Variants in DSCAM observed in about 807,000 individuals in gnomAD.
DSCAM encodes cell adhesion molecule DSCAM.
In DSCAM, 47 loss-of-function variants were observed where a neutral mutation model predicts 217.7. That is an observed-to-expected ratio of 0.22 (90% CI 0.17 to 0.28). The LOEUF (loss-of-function observed/expected upper bound fraction) is 0.28. DSCAM is among the 10% of genes least tolerant of loss of function. DSCAM has a pLI of 1.00. For missense variants in DSCAM, 2,080 were observed against 2,618.3 expected (o/e 0.79, Z 4.49); for synonymous variants, 1,056 against 1,015.3 (o/e 1.04, Z -0.76).
chr21:40,377,359 G>A (rs1377934475), intron 3 of DSCAM, among the ~76,000 whole-genome samples: 1 of 152,108 alleles, frequency 6.6e-6, no homozygotes, highest in East Asian at 1.9e-4. Flanking sequence ...TGGCACAAGT[G>A]TGAGACGGCA....
intron 3 of DSCAM, among the ~76,000 whole-genome samples, chr21:40,517,257 A>G (rs558005584): frequency 1.6e-4 from 24 of 149,358 alleles, no homozygotes; most frequent in Non-Finnish European, 2.8e-4. Context: ...GTGTATATAT[A>G]TACCTTATAT....
At chr21:40,697,016 A>C (rs2090603025) in intron 2 of DSCAM, among the ~76,000 whole-genome samples, 1 of 152,108 alleles carries the variant, frequency 6.6e-6, no homozygotes, top group Non-Finnish European at 1.5e-5. Flanking sequence ...CCTTCTATTT[A>C]ACTGTATTTT....
intron 3 of DSCAM, among the ~76,000 whole-genome samples, chr21:40,392,593 A>G (rs1425911960): frequency 6.6e-6 from 1 of 152,144 alleles, no homozygotes; most frequent in Non-Finnish European, 1.5e-5. Context: ...GTAACACTGG[A>G]ATTGGAATTC....
At chr21:40,547,643 A>G (rs2076594280) in intron 3 of DSCAM, among the ~76,000 whole-genome samples, 1 of 152,088 alleles carries the variant, frequency 6.6e-6, no homozygotes, top group Non-Finnish European at 1.5e-5. Context: ...CACAAGTACA[A>G]AGACACCGGT....
chr21:40,422,669 T>C (rs2075436240), intron 3 of DSCAM, among the ~76,000 whole-genome samples: 1 of 152,252 alleles, frequency 6.6e-6, no homozygotes, highest in African/African-American at 2.4e-5. Context: ...AGTTGACATG[T>C]AAAGTCTATT....
intron 3 of DSCAM, among the ~76,000 whole-genome samples, chr21:40,432,833 G>T (rs914112391): frequency 6.6e-6 from 1 of 152,150 alleles, no homozygotes; most frequent in Non-Finnish European, 1.5e-5. Flanking sequence ...GGCCCAGAGG[G>T]TGAAGTCATG....
intron 2 of DSCAM, among the ~76,000 whole-genome samples, chr21:40,695,846 G>A (rs1251949916): frequency 6.6e-6 from 1 of 152,030 alleles, no homozygotes; most frequent in East Asian, 1.9e-4. Context: ...TGCAAATCAG[G>A]GTTTTATTAA....
Position 40,692,907 on chromosome 21 carries a change from T to C in DSCAM, c.411A>G (p.Arg137=), listed in dbSNP as rs375720021. Residue 137 remains arginine (R), a synonymous_variant, in exon 3 of 33, where the codon AGA becomes AGG. Coordinates refer to ENST00000400454, the MANE Select transcript of DSCAM (RefSeq NM_001389.5). The part of the protein sequence containing the change: ...TVRVEDQKTM[R]GNVAVFKCII... ...TGCACTTGAAGACCGCAACATTGCC[T>C]CTCATGGTTTTCTGGTCCTCCACAC... 2.1e-4 allele frequency: 339 copies of C among 1,613,824 alleles called. No homozygotes were observed. Among genetic ancestry groups the C allele is most frequent in the Admixed American group, 5.2e-4 (31 of 59,996 alleles).
chr21:40,614,467 G>C (rs1170278867), intron 3 of DSCAM, among the ~76,000 whole-genome samples: 1 of 152,052 alleles, frequency 6.6e-6, no homozygotes, highest in Non-Finnish European at 1.5e-5. Flanking sequence ...CATTAAGATT[G>C]GCAAGTTCAT....
chr21:40,133,897 G>A lies in DSCAM; in HGVS notation c.3519C>T (p.Asp1173=), dbSNP rs201831874. The A allele has an allele frequency of 3.1e-5, 50 of 1,613,274 alleles. No individual in the cohort carries two copies. The East Asian group carries it at 6.9e-4, about 22-fold the overall frequency. The change falls in exon 19 of 33, where the codon GAC becomes GAT. Residue 1173 remains aspartate, a synonymous_variant. Transcript: ENST00000400454. ...IQVLAFTRAG[D]GVRSEQIFTR... Reference sequence around the variant, plus strand: ...TGAAGATCTGCTCACTCCTGACCCCGTCTCCTGCGCGGGTGAAGGCCAGCA... The same window carrying A: ...TGAAGATCTGCTCACTCCTGACCCCATCTCCTGCGCGGGTGAAGGCCAGCA...
At chr21:40,350,717 G>C (rs1474732704) in intron 5 of DSCAM, among the ~76,000 whole-genome samples, 1 of 151,980 alleles carries the variant, frequency 6.6e-6, no homozygotes, top group Non-Finnish European at 1.5e-5. Context: ...TGGAAAGAGG[G>C]AATCACAGAG....
At chr21:40,834,614 C>T (rs755277669) in intron 1 of DSCAM, among the ~76,000 whole-genome samples, 3 of 151,928 alleles carry the variant, frequency 2.0e-5, no homozygotes, top group Non-Finnish European at 2.9e-5. Context: ...GAGACACTTC[C>T]AGGAGCACCT....
chr21:40,528,898 C>CTTTTTTTTTTTTTTTTTTTTTT lies in DSCAM; in HGVS notation c.509-159675_509-159654dup, dbSNP rs911356584. On this transcript the variant is annotated intron_variant, in intron 3 of 32. Coordinates refer to ENST00000400454, the MANE Select transcript of DSCAM (RefSeq NM_001389.5). Reference sequence around the variant, plus strand: ...TCTTTGGCAATGTCCAGGCTTTCCACTTTTTTTTTTTTTTTTTTTTTTTGA... The same window carrying CTTTTTTTTTTTTTTTTTTTTTT: ...TCTTTGGCAATGTCCAGGCTTTCCACTTTTTTTTTTTTTTTTTTTTTTTTTTTTTTTTTTTTTTTTTTTTTGA... Among the ~76,000 whole-genome samples the CTTTTTTTTTTTTTTTTTTTTTT allele has an allele frequency of 5.2e-4, 52 of 99,386 alleles. 6 individuals are homozygous for CTTTTTTTTTTTTTTTTTTTTTT. The highest frequency in any genetic ancestry group is 1.8e-3 in the African/African-American group (36 of 20,554). The allele number at this position is 99,386 out of a possible 152,430, so 65.2% of individuals were successfully genotyped here. A position where few individuals can be genotyped will look rare whatever the true frequency, so the allele number is the denominator to read the frequency against.
At chr21:40,209,483 T>C (rs925234886) in intron 11 of DSCAM, among the ~76,000 whole-genome samples, 1 of 152,202 alleles carries the variant, frequency 6.6e-6, no homozygotes, top group African/African-American at 2.4e-5. Flanking sequence ...GATTATTTCT[T>C]ATAAAGCCCT....
At chr21:40,359,907 T>C (rs1055629942) in intron 4 of DSCAM, among the ~76,000 whole-genome samples, 6 of 152,172 alleles carry the variant, frequency 3.9e-5, no homozygotes, top group African/African-American at 7.2e-5. Context: ...AATTATTGAA[T>C]TGAATAAACC....
At chr21:40,597,300 C>T (rs1480636741) in intron 3 of DSCAM, among the ~76,000 whole-genome samples, 2 of 152,076 alleles carry the variant, frequency 1.3e-5, no homozygotes, top group African/African-American at 4.8e-5. Context: ...TCCTACATGA[C>T]CTTGTGTATT....
intron 1 of DSCAM, among the ~76,000 whole-genome samples, chr21:40,710,260 A>T (rs1169260941): frequency 2.7e-5 from 4 of 148,396 alleles, no homozygotes; most frequent in African/African-American, 1.0e-4. Context: ...TACAATGTCA[A>T]ATCAACAATA....
At chr21:40,838,933 T>C (rs534829420) in intron 1 of DSCAM, among the ~76,000 whole-genome samples, 1 of 152,292 alleles carries the variant, frequency 6.6e-6, no homozygotes, top group Non-Finnish European at 1.5e-5. Flanking sequence ...CAAAGCCCAC[T>C]TGGAACCAGG....
At chr21:40,768,394 T>C (rs535181159) in intron 1 of DSCAM, among the ~76,000 whole-genome samples, 1 of 150,232 alleles carries the variant, frequency 6.7e-6, no homozygotes, top group East Asian at 2.0e-4. Context: ...CTGTCCTGCA[T>C]GCTAATCCAA....
Sources: gnomAD v4.1 joint callset for allele counts (sites outside exome capture counted in the v4.1 genomes callset) on GRCh38, gnomAD v4.1.1 for gene constraint, MANE v1.5 for transcripts, NCBI Gene and HGNC (gene_info 2026-07-23, HGNC 2026-07-21) for gene names.